Variants in SCMH1 observed in about 807,000 individuals in gnomAD.
SCMH1 encodes Scm polycomb group protein homolog 1.
A neutral mutation model predicts 70.8 loss-of-function variants in SCMH1; 37 were observed. That is an observed-to-expected ratio of 0.52 (90% CI 0.40 to 0.69). SCMH1 has a LOEUF of 0.69. Among genes scored for constraint, SCMH1 ranks in the 30% least tolerant of loss-of-function variants. SCMH1 has a pLI of 0.00. For synonymous variants in SCMH1, 292 were observed against 307.4 expected (o/e 0.95, Z 0.52); for missense variants, 607 against 827.3 (o/e 0.73, Z 3.27).
intron 1 of SCMH1, among the ~76,000 whole-genome samples, chr1:41,210,369 G>A (rs1361468563): frequency 5.3e-5 from 8 of 152,024 alleles, no homozygotes; most frequent in Admixed American, 2.6e-4. Context: ...TTTAAAGTTC[G>A]TATGGAACCA....
intron 5 of SCMH1, among the ~76,000 whole-genome samples, chr1:41,147,068 GGTCA>G (rs1190397353): frequency 1.3e-5 from 2 of 151,926 alleles, no homozygotes; most frequent in Admixed American, 1.3e-4. Context: ...TATTTAATAT[GGTCA>G]GTCTTTTGAA....
At chr1:41,087,518 A>AC (rs1326039846) in intron 8 of SCMH1, among the ~76,000 whole-genome samples, 4 of 150,116 alleles carry the variant, frequency 2.7e-5, no homozygotes, top group Non-Finnish European at 4.5e-5. Flanking sequence ...AACCTGTAAA[A>AC]GAAAAAAAAA....
intron 1 of SCMH1, among the ~76,000 whole-genome samples, chr1:41,216,414 T>C (rs763008355): frequency 6.6e-6 from 1 of 152,200 alleles, no homozygotes; most frequent in African/African-American, 2.4e-5. Flanking sequence ...GTCAGCTGCC[T>C]ATCTAACTGA....
intron 8 of SCMH1, among the ~76,000 whole-genome samples, chr1:41,078,027 TAAGAA>T (rs1658889922): frequency 6.6e-6 from 1 of 151,594 alleles, no homozygotes; most frequent in African/African-American, 2.4e-5. Flanking sequence ...GAACAAAATA[TAAGAA>T]AAGGTAGATA....
chr1:41,211,448 G>A (rs1657006866), intron 1 of SCMH1, among the ~76,000 whole-genome samples: 1 of 152,188 alleles, frequency 6.6e-6, no homozygotes, highest in African/African-American at 2.4e-5. Flanking sequence ...TCACAGAAAT[G>A]CAAATCAAAA....
intron 6 of SCMH1, among the ~76,000 whole-genome samples, chr1:41,129,532 C>T (rs1447877498): frequency 6.6e-6 from 1 of 152,090 alleles, no homozygotes; most frequent in East Asian, 1.9e-4. Flanking sequence ...TTATAATTTC[C>T]TTCCTCTTTA....
chr1:41,028,850 AGGAACTGGAGATAGCTGG>A, intron 13 of SCMH1, 124 bp from the exon 15 acceptor site: 1 of 1,036,300 alleles, frequency 9.6e-7, no homozygotes, highest in South Asian at 1.8e-5. Flanking sequence ...CGATGAGCTG[AGGAACTGGAGATAGCTGG>A]GGGAGGGAAG....
At chr1:41,029,113 A>G (rs1055256510) in intron 13 of SCMH1, among the ~76,000 whole-genome samples, 1 of 152,092 alleles carries the variant, frequency 6.6e-6, no homozygotes, top group African/African-American at 2.4e-5. Context: ...AAGATTAGAG[A>G]CAAATCCTTG....
Position 41,234,172 on chromosome 1 carries a change from C to T in SCMH1, c.-118+7887G>A, listed in dbSNP as rs987149044. ...GTTTAGGGCCAGGCATGATGGCTCA[C>T]GCCTGTAATTTCAGCACTTTGGAAG... is the stretch of plus-strand genomic sequence containing the variant. On this transcript the variant is annotated intron_variant, in intron 1 of 14. Coordinates refer to ENST00000337495, the Ensembl canonical transcript of SCMH1. Among the ~76,000 whole-genome samples the T allele has an allele frequency of 4.6e-5, 7 of 152,118 alleles. No individual in the cohort carries two copies. In the South Asian group the frequency reaches 6.2e-4, roughly 14 times the overall value.
intron 10 of SCMH1, among the ~76,000 whole-genome samples, chr1:41,049,139 C>T (rs1248704401): frequency 1.3e-5 from 2 of 152,172 alleles, no homozygotes; most frequent in African/African-American, 4.8e-5. Flanking sequence ...GACCAAAGGC[C>T]AAGACACAGA....
intron 5 of SCMH1, among the ~76,000 whole-genome samples, chr1:41,145,921 G>A (rs997821361): frequency 2.0e-5 from 3 of 152,138 alleles, no homozygotes; most frequent in Admixed American, 6.6e-5. Context: ...GATAACAATT[G>A]ACTATGTTAC....
At chr1:41,189,337 G>C (rs1042390438) in intron 1 of SCMH1, among the ~76,000 whole-genome samples, 5 of 152,206 alleles carry the variant, frequency 3.3e-5, no homozygotes, top group East Asian at 3.9e-4. Context: ...TTTTAGTAGA[G>C]ACAGGGTTTC....
intron 8 of SCMH1, among the ~76,000 whole-genome samples, chr1:41,104,797 T>C (rs980680530): frequency 3.3e-5 from 5 of 152,136 alleles, no homozygotes; most frequent in Admixed American, 6.6e-5. Flanking sequence ...GAAAAAAAGC[T>C]GGGTGGAAGG....
exon 11 of SCMH1, chr1:41,048,730 G>T: frequency 1.9e-6 from 3 of 1,614,162 alleles, no homozygotes; most frequent in Non-Finnish European, 2.5e-6. Flanking sequence ...TGAGGAAGCT[G>T]AAGACGGTTT....
intron 2 of SCMH1, among the ~76,000 whole-genome samples, chr1:41,185,641 T>TTA (rs1378322131): frequency 6.6e-6 from 1 of 151,916 alleles, no homozygotes; most frequent in Non-Finnish European, 1.5e-5. Flanking sequence ...TACAGATTTT[T>TTA]TTTTTTTTTT....
chr1:41,191,732 A>G (rs1651757922), intron 1 of SCMH1, among the ~76,000 whole-genome samples: 1 of 152,210 alleles, frequency 6.6e-6, no homozygotes, highest in South Asian at 2.1e-4. Context: ...TAACATGCAT[A>G]CAATATATAT....
chr1:41,053,524 G>C (rs1649032716), intron 10 of SCMH1, among the ~76,000 whole-genome samples: 1 of 152,200 alleles, frequency 6.6e-6, no homozygotes, highest in African/African-American at 2.4e-5. Flanking sequence ...TGGCCATGTG[G>C]TGAAAGTGGA....
chr1:41,037,573 A>C, intron 12 of SCMH1, 32 bp from the exon 13 acceptor site: 2 of 1,598,532 alleles, frequency 1.3e-6, no homozygotes, highest in South Asian at 2.2e-5. Flanking sequence ...GTTAGAGCTT[A>C]GAAGGACTGC....
intron 9 of SCMH1, among the ~76,000 whole-genome samples, chr1:41,074,525 C>T (rs556556275): frequency 6.6e-6 from 1 of 151,712 alleles, no homozygotes; most frequent in African/African-American, 2.4e-5. Flanking sequence ...TATATATTTA[C>T]ATTCAACCTG....
Sources: allele counts gnomAD v4.1 joint callset (sites outside exome capture counted in the v4.1 genomes callset), GRCh38; gene constraint gnomAD v4.1.1; transcripts MANE v1.5; gene names NCBI Gene and HGNC (gene_info 2026-07-23, HGNC 2026-07-21).